The following PLXDC2 variants were observed in gnomAD, a reference collection of about 807,000 sequenced individuals.
The protein encoded by PLXDC2 is plexin domain-containing protein 2.
Under a neutral mutation model 68.9 loss-of-function variants are expected in PLXDC2, and 40 were observed. That is an observed-to-expected ratio of 0.58 (90% confidence interval 0.45 to 0.76). The LOEUF (loss-of-function observed/expected upper bound fraction) is 0.76, where lower values mean the gene tolerates loss of function less well. PLXDC2 is among the 30% of genes least tolerant of loss of function. The probability of loss-of-function intolerance (pLI) is 0.00; values close to 1 mark genes in which losing one functional copy is unlikely to be tolerated. For synonymous variants in PLXDC2, 243 were observed against 234.2 expected (o/e 1.04, Z -0.34); for missense variants, 644 against 661.9 (o/e 0.97, Z 0.30).
At chr10:20,138,915 A>C (rs983227458) in intron 4 of PLXDC2, among the ~76,000 whole-genome samples, 1 of 152,116 alleles carries the variant, frequency 6.6e-6, no homozygotes, top group Non-Finnish European at 1.5e-5. Context: ...TCTGTCTCAG[A>C]GAAAAAAAAA....
chr10:20,122,441 A>T (rs111434695), intron 4 of PLXDC2, among the ~76,000 whole-genome samples: 2 of 152,216 alleles, frequency 1.3e-5, no homozygotes, highest in African/African-American at 4.8e-5. Flanking sequence ...CACTAAGCCA[A>T]GAAGATCTGG....
At position 20,287,406 on chromosome 10, in the gene PLXDC2, G is replaced by C. The variant is rs1248863157; in HGVS notation, c.*7587G>C. On this transcript the variant is annotated 3_prime_UTR_variant, in exon 14 of 14. Coordinates refer to ENST00000377252, the MANE Select transcript of PLXDC2 (RefSeq NM_032812.9). ...GTTAAGAGATGGCACTTTCCTTTCC[G>C]GGCCCAGAGCTGGATTTCTCTGAGA... 1 of 152,016 alleles carries C rather than the reference G, an allele frequency of 6.6e-6. No individual in the cohort carries two copies. Among genetic ancestry groups the C allele is most frequent in the Non-Finnish European group, 1.5e-5 (1 of 68,008 alleles). The allele number at this position is 152,016 out of a possible 1,614,324, so 9.4% of individuals were successfully genotyped here. A position where few individuals can be genotyped will look rare whatever the true frequency, so the allele number is the denominator to read the frequency against.
chr10:20,127,747 A>T (rs1186986288), intron 4 of PLXDC2, among the ~76,000 whole-genome samples: 5 of 152,110 alleles, frequency 3.3e-5, no homozygotes, highest in African/African-American at 4.8e-5. Context: ...CCCAGCTACT[A>T]GGAAGGCTGA....
intron 9 of PLXDC2, among the ~76,000 whole-genome samples, chr10:20,196,974 A>G (rs1258287620): frequency 7.0e-6 from 1 of 142,326 alleles, no homozygotes; most frequent in Non-Finnish European, 1.5e-5. Context: ...AAAGAAAGTC[A>G]GATGTGGCAA....
At chr10:20,197,063 C>T (rs997588415) in intron 9 of PLXDC2, among the ~76,000 whole-genome samples, 3 of 152,020 alleles carry the variant, frequency 2.0e-5, no homozygotes, top group African/African-American at 7.2e-5. Flanking sequence ...CTAGAACAAG[C>T]CTCAGAAGTT....
chr10:19,831,701 G>A (rs771249911), intron 1 of PLXDC2, among the ~76,000 whole-genome samples: 13 of 152,154 alleles, frequency 8.5e-5, no homozygotes, highest in Non-Finnish European at 1.8e-4. Flanking sequence ...TTCTGTTCGT[G>A]CATTACTTTG....
At chr10:19,999,877 C>A (rs1297216665) in intron 1 of PLXDC2, among the ~76,000 whole-genome samples, 1 of 152,176 alleles carries the variant, frequency 6.6e-6, no homozygotes, top group East Asian at 1.9e-4. Context: ...CTTTTGCAGG[C>A]AGGATATTTT....
intron 1 of PLXDC2, among the ~76,000 whole-genome samples, chr10:19,996,144 C>CA (rs1332707800): frequency 6.6e-6 from 1 of 152,092 alleles, no homozygotes; most frequent in Non-Finnish European, 1.5e-5. Context: ...AATATGACAA[C>CA]ATAAGACTAG....
intron 9 of PLXDC2, among the ~76,000 whole-genome samples, chr10:20,210,474 G>A (rs1006160203): frequency 1.3e-5 from 2 of 152,268 alleles, no homozygotes; most frequent in African/African-American, 4.8e-5. Flanking sequence ...TTATTGGGCT[G>A]TGTAAGAGTA....
chr10:20,061,776 A>C (rs2131699729), intron 3 of PLXDC2, among the ~76,000 whole-genome samples: 1 of 152,366 alleles, frequency 6.6e-6, no homozygotes, highest in Admixed American at 6.5e-5. Context: ...ATATAACAAA[A>C]ATGAAGACAT....
chr10:19,835,031 G>A lies in PLXDC2; in HGVS notation c.112+17840G>A, dbSNP rs79988276. Among the ~76,000 whole-genome samples the A allele has an allele frequency of 2.4e-3, 373 of 152,254 alleles. 9 individuals are homozygous for A. The East Asian group carries it at 0.053, about 22-fold the overall frequency. On this transcript the variant is annotated intron_variant, in intron 1 of 13. Transcript: ENST00000377252. ...TGAGTGGCAGGAGGGCAGAGATGAT[G>A]GAAAGGCATCCTGAACAGAGAGAAC...
intron 7 of PLXDC2, 58 bp downstream of exon 7, chr10:20,164,625 A>G: frequency 1.5e-6 from 2 of 1,325,846 alleles, no homozygotes; most frequent in Non-Finnish European, 2.2e-6. Flanking sequence ...AATTTAAAGG[A>G]GATTGGTCTA....
chr10:19,885,768 A>C (rs1837834046), intron 1 of PLXDC2, among the ~76,000 whole-genome samples: 1 of 152,144 alleles, frequency 6.6e-6, no homozygotes, highest in Non-Finnish European at 1.5e-5. Flanking sequence ...CTTGTAGTAC[A>C]GTTTGAAGTC....
chr10:20,013,483 T>C (rs1445011920), intron 2 of PLXDC2, among the ~76,000 whole-genome samples: 1 of 152,178 alleles, frequency 6.6e-6, no homozygotes, highest in Non-Finnish European at 1.5e-5. Context: ...GATGAATGCA[T>C]TGATTTTGAT....
chr10:20,162,945 G>C (rs552464951), intron 6 of PLXDC2, among the ~76,000 whole-genome samples: 100 of 150,696 alleles, frequency 6.6e-4, no homozygotes, highest in African/African-American at 2.2e-3. Context: ...GCTGGGTGTG[G>C]TGACACACGC....
At chr10:20,178,257 G>T (rs1834555812) in intron 9 of PLXDC2, among the ~76,000 whole-genome samples, 1 of 152,090 alleles carries the variant, frequency 6.6e-6, no homozygotes, top group Non-Finnish European at 1.5e-5. Context: ...TGTCAAAGAG[G>T]TTTACTGATT....
rs1554781439 is a variant in PLXDC2, at chr10:20,287,979, C to CCGGGGGG, written c.*8160_*8161insCGGGGGG. ...AGAAGAAATTGGGCACTTCTTGCGG[C>CCGGGGGG]GGGGGAGGGGGGGGGGGCGGTGGCT... On this transcript the variant is annotated 3_prime_UTR_variant, in exon 14 of 14. Coordinates refer to ENST00000377252, the MANE Select transcript of PLXDC2 (RefSeq NM_032812.9). 6 of 12,398 alleles carry CCGGGGGG rather than the reference C, an allele frequency of 4.8e-4. No individual in the cohort carries two copies. Among genetic ancestry groups the CCGGGGGG allele is most frequent in the Admixed American group, 1.6e-3 (2 of 1,280 alleles). The allele number at this position is 12,398 out of a possible 1,614,324, so 0.8% of individuals were successfully genotyped here.
intron 1 of PLXDC2, among the ~76,000 whole-genome samples, chr10:19,889,676 G>A (rs1294078883): frequency 6.6e-6 from 1 of 152,124 alleles, no homozygotes; most frequent in Non-Finnish European, 1.5e-5. Context: ...AAAAACCTTG[G>A]AATATTGCAA....
chr10:20,230,775 A>G (rs1306848604), intron 12 of PLXDC2, among the ~76,000 whole-genome samples: 1 of 151,052 alleles, frequency 6.6e-6, no homozygotes, highest in African/African-American at 2.4e-5. Context: ...GACAAAAAAA[A>G]AAAATTAAGA....
Sources: gnomAD v4.1 joint callset for allele counts (sites outside exome capture counted in the v4.1 genomes callset) on GRCh38, gnomAD v4.1.1 for gene constraint, MANE v1.5 for transcripts, NCBI Gene and HGNC (gene_info 2026-07-23, HGNC 2026-07-21) for gene names.